CCDC175: variants seen among roughly 807,000 people sequenced by gnomAD.
CCDC175 encodes the protein coiled-coil domain containing 175, also known as coiled-coil domain-containing protein 175.
Under a neutral mutation model 114.6 loss-of-function variants are expected in CCDC175, and 100 were observed. That is an observed-to-expected ratio of 0.87 (90% CI 0.74 to 1.03). The LOEUF (loss-of-function observed/expected upper bound fraction) is 1.03, where lower values mean the gene tolerates loss of function less well. CCDC175 is among the 50% of genes least tolerant of loss of function. CCDC175 has a pLI of 0.00. For synonymous variants in CCDC175, 306 were observed against 308.7 expected (o/e 0.99, Z 0.09); for missense variants, 880 against 917.8 (o/e 0.96, Z 0.53).
At chr14:59,520,990 T>A (rs1893398448) in intron 17 of CCDC175, among the ~76,000 whole-genome samples, 1 of 152,220 alleles carries the variant, frequency 6.6e-6, no homozygotes, top group East Asian at 1.9e-4. Context: ...ATCAATAAAC[T>A]GGATTTAAAT....
chr14:59,506,815 T>G (rs371767146), intron 19 of CCDC175, among the ~76,000 whole-genome samples: 7 of 152,224 alleles, frequency 4.6e-5, no homozygotes, highest in South Asian at 2.1e-4. Context: ...ATAACAGAGA[T>G]AACTTTGACA....
intron 19 of CCDC175, among the ~76,000 whole-genome samples, chr14:59,508,580 AAAAAAG>A: frequency 6.6e-6 from 1 of 150,980 alleles, no homozygotes; most frequent in Non-Finnish European, 1.5e-5. Flanking sequence ...AAAAAAAAAA[AAAAAAG>A]AGAGAAAAGC....
chr14:59,510,737 ATC>A lies in CCDC175; in HGVS notation c.2212_2213del (p.Asp738Ter). On this transcript the variant is annotated frameshift_variant, in exon 19 of 20. Coordinates refer to ENST00000537690, the MANE Select transcript of CCDC175 (RefSeq NM_001164399.2). LOFTEE classifies it high-confidence loss of function. The part of the protein sequence containing the change: ...NNLTDKLRER[D>X]EKMQHVSTWL... The stretch of plus-strand genomic sequence containing the variant: ...ATGTACTGACATGCTGCATTTTTTC[ATC>A]TCTTTCACGCAGCTTGTCTGTTAGA... 6.5e-7 allele frequency: 1 copy of A among 1,537,266 alleles called. No individual in the cohort carries two copies. The highest frequency in any genetic ancestry group is 8.7e-7 in the Non-Finnish European group (1 of 1,146,894).
intron 8 of CCDC175, among the ~76,000 whole-genome samples, chr14:59,546,009 C>G (rs1379207448): frequency 6.6e-6 from 1 of 152,160 alleles, no homozygotes; most frequent in African/African-American, 2.4e-5. Flanking sequence ...CGAAAGGATA[C>G]CTGTGCTCAT....
In CCDC175 at chr14:59,563,733, T is replaced by C; in HGVS notation, c.843+4A>G. 1 of 1,399,858 alleles carries C rather than the reference T, an allele frequency of 7.1e-7. No homozygotes were observed. Among genetic ancestry groups the C allele is most frequent in the Non-Finnish European group, 9.3e-7 (1 of 1,079,290 alleles). The allele number at this position is 1,399,858 out of a possible 1,614,324, so 86.7% of individuals were successfully genotyped here. On this transcript the variant is annotated splice_donor_region_variant and intron_variant, in intron 6 of 19. Transcript: ENST00000537690. ...AAAAATATATATAGTTTATTCTTTC[T>C]TACCGCTGCGGAAACAGTAACTGTT...
At chr14:59,510,380 G>A (rs1892672182) in intron 19 of CCDC175, 1 of 301,598 alleles carries the variant, frequency 3.3e-6, no homozygotes, top group Non-Finnish European at 6.2e-6. Flanking sequence ...AGCCTTCTCT[G>A]GAAAAATGTT....
chr14:59,538,814 C>T lies in CCDC175; in HGVS notation c.1382G>A (p.Cys461Tyr). 2 of 1,536,626 alleles carry T rather than the reference C, an allele frequency of 1.3e-6. No homozygotes were observed. Among genetic ancestry groups the T allele is most frequent in the Non-Finnish European group, 1.7e-6 (2 of 1,146,630 alleles). The change falls in exon 12 of 20, where the codon TGC becomes TAC. Residue 461 changes from cysteine to tyrosine, a missense_variant. By Grantham distance (194) the Cys-to-Tyr change is radical. Coordinates refer to ENST00000537690, the MANE Select transcript of CCDC175 (RefSeq NM_001164399.2). The stretch of plus-strand genomic sequence containing the variant: ...CCAACGTGCATGCTTTTTTCTCAAG[C>T]AAGCCATTTTCCACTGAGTTATAAC... ...RCVITQWKMA[C>Y]LRKKHARWTA...
chr14:59,568,991 G>C (rs1392098793), intron 3 of CCDC175, among the ~76,000 whole-genome samples: 2 of 152,186 alleles, frequency 1.3e-5, no homozygotes, highest in Non-Finnish European at 2.9e-5. Flanking sequence ...TAATGCAAAA[G>C]CCATTGCCTC....
At position 59,548,759 on chromosome 14, in the gene CCDC175, T is replaced by G. The variant is rs192262451; in HGVS notation, c.1035+2596A>C. ...TTAGGTATCCTTGCAAATAAAAGAA[T>G]CACAGTAGCCCAGAGGGGAAGCCAT... On this transcript the variant is annotated intron_variant, in intron 8 of 19. Transcript: ENST00000537690. 4.7e-3 allele frequency among the ~76,000 whole-genome samples: 720 copies of G among 152,278 alleles called. 2 individuals carry two copies. Among genetic ancestry groups the G allele is most frequent in the African/African-American group, 0.016 (678 of 41,554 alleles).
At chr14:59,553,206 GC>G (rs1895640616) in intron 7 of CCDC175, among the ~76,000 whole-genome samples, 1 of 152,218 alleles carries the variant, frequency 6.6e-6, no homozygotes, top group South Asian at 2.1e-4. Flanking sequence ...GTTAAGGGCA[GC>G]CAGAGAGAAA....
intron 2 of CCDC175, among the ~76,000 whole-genome samples, chr14:59,573,870 C>T (rs1896966365): frequency 6.6e-6 from 1 of 152,146 alleles, no homozygotes; most frequent in South Asian, 2.1e-4. Context: ...CCATCCTGGC[C>T]TCCCGGAGTG....
At chr14:59,563,900 T>C (rs1417324218) in intron 5 of CCDC175, 41 bp from the exon 6 acceptor site, 1 of 1,292,870 alleles carries the variant, frequency 7.7e-7, no homozygotes, top group Non-Finnish European at 9.9e-7. Context: ...AAAAGCCTAT[T>C]AGCACAACAA....
At chr14:59,545,610 G>C (rs1895056825) in intron 8 of CCDC175, among the ~76,000 whole-genome samples, 1 of 152,100 alleles carries the variant, frequency 6.6e-6, no homozygotes, top group South Asian at 2.1e-4. Flanking sequence ...TCCTTTTCCA[G>C]AATATAAACT....
chr14:59,555,236 T>A (rs574775809), intron 7 of CCDC175, among the ~76,000 whole-genome samples: 28 of 152,248 alleles, frequency 1.8e-4, no homozygotes, highest in Admixed American at 4.6e-4. Context: ...GCAAACCGAA[T>A]CCAGCAGCAC....
chr14:59,519,223 G>A (rs1043850971), intron 17 of CCDC175, among the ~76,000 whole-genome samples: 1 of 152,056 alleles, frequency 6.6e-6, no homozygotes, highest in African/African-American at 2.4e-5. Context: ...GTTAAATGAT[G>A]AGTTACAGGG....
intron 9 of CCDC175, among the ~76,000 whole-genome samples, chr14:59,544,665 T>C (rs1048258294): frequency 6.6e-6 from 1 of 152,230 alleles, no homozygotes; most frequent in African/African-American, 2.4e-5. Flanking sequence ...CATTGCTTTT[T>C]TCATGAGAAA....
chr14:59,532,257 G>T (rs1396375048), intron 13 of CCDC175, among the ~76,000 whole-genome samples: 1 of 152,114 alleles, frequency 6.6e-6, no homozygotes. Context: ...CCAAAAAGAG[G>T]CAGATAAACA....
At position 59,517,335 on chromosome 14, in the gene CCDC175, G is replaced by A. The variant is rs140385191; in HGVS notation, c.2098+4239C>T. Among the ~76,000 whole-genome samples the A allele has an allele frequency of 4.3e-3, 658 of 152,304 alleles. 21 individuals carry two copies. The East Asian group carries it at 0.076, about 18-fold the overall frequency. On this transcript the variant is annotated intron_variant, in intron 17 of 19. Coordinates refer to ENST00000537690, the MANE Select transcript of CCDC175 (RefSeq NM_001164399.2). ...TTCTGGCCAGGGCAATCAGGCAGGA[G>A]AAGGAAATAAAGGGTATTCAATTAG...
At position 59,553,854 on chromosome 14, in the gene CCDC175, A is replaced by C. The variant is rs569694512; in HGVS notation, c.954-2418T>G. On this transcript the variant is annotated intron_variant, in intron 7 of 19. Transcript: ENST00000537690. ...AACAGACTTTAAACCAACAAAGATC[A>C]AAAGAGACAAAGAAGGCCATTACAT... 4.0e-3 allele frequency among the ~76,000 whole-genome samples: 605 copies of C among 152,340 alleles called. 3 individuals carry two copies. Among genetic ancestry groups the C allele is most frequent in the South Asian group, 0.018 (89 of 4,828 alleles).
Sources: allele counts gnomAD v4.1 joint callset (sites outside exome capture counted in the v4.1 genomes callset), GRCh38; gene constraint gnomAD v4.1.1; transcripts MANE v1.5; gene names NCBI Gene and HGNC (gene_info 2026-07-23, HGNC 2026-07-21).